The following SEMA6D variants were observed in gnomAD, a reference collection of about 807,000 sequenced individuals.
The protein encoded by SEMA6D is semaphorin 6D, also known as semaphorin-6D.
SEMA6D carries 35 observed loss-of-function variants against 106.6 expected under a neutral mutation model. The ratio of observed to expected loss-of-function variants is 0.33; its 90% CI spans 0.25 to 0.44. The LOEUF (loss-of-function observed/expected upper bound fraction) is 0.44, where lower values mean the gene tolerates loss of function less well. SEMA6D is among the 20% of genes least tolerant of loss of function. SEMA6D has a pLI of 1.00. For missense variants in SEMA6D, 1,185 were observed against 1,345.9 expected (o/e 0.88, Z 1.87); for synonymous variants, 499 against 487.7 (o/e 1.02, Z -0.31).
At chr15:47,736,568 C>T (rs2080457965) in intron 1 of SEMA6D, among the ~76,000 whole-genome samples, 1 of 152,082 alleles carries the variant, frequency 6.6e-6, no homozygotes, top group African/African-American at 2.4e-5. Context: ...TTATTTGGAT[C>T]GTGGTGATGT....
At chr15:47,356,498 T>C (rs2038576161) in intron 1 of SEMA6D, among the ~76,000 whole-genome samples, 1 of 151,646 alleles carries the variant, frequency 6.6e-6, no homozygotes, top group South Asian at 2.1e-4. Flanking sequence ...GGGATTGTGC[T>C]GTGGGAAGAT....
At chr15:47,413,185 C>T (rs1434174284) in intron 2 of SEMA6D, among the ~76,000 whole-genome samples, 2 of 151,884 alleles carry the variant, frequency 1.3e-5, no homozygotes, top group African/African-American at 2.4e-5. Flanking sequence ...AATCTGAGGC[C>T]GAAATATAAT....
chr15:47,438,713 C>G, intron 2 of SEMA6D, among the ~76,000 whole-genome samples: 1 of 151,784 alleles, frequency 6.6e-6, no homozygotes, highest in East Asian at 2.0e-4. Flanking sequence ...CTGCCATGAT[C>G]TTTTGCACCT....
intron 2 of SEMA6D, among the ~76,000 whole-genome samples, chr15:47,441,331 TG>T (rs1326590162): frequency 5.3e-5 from 8 of 152,074 alleles, no homozygotes; most frequent in Admixed American, 1.3e-4. Context: ...TAAATAATGC[TG>T]GGGAGAAACC....
Position 47,494,763 on chromosome 15 carries a change from T to TA in SEMA6D, c.-87+24219dup, listed in dbSNP as rs2043590175. Among the ~76,000 whole-genome samples, 3 of 88,546 alleles carry TA rather than the reference T, an allele frequency of 3.4e-5. No individual in the cohort carries two copies. In the South Asian group the frequency reaches 1.1e-3, roughly 31 times the overall value. The allele number at this position is 88,546 out of a possible 152,430, so 58.1% of individuals were successfully genotyped here. ...GGAGATATATATATATATATATATATATATATATATATATATATATATATA... is the reference window on the plus strand; with the variant it reads ...GGAGATATATATATATATATATATATAATATATATATATATATATATATATA... On this transcript the variant is annotated intron_variant, in intron 3 of 19. Coordinates refer to the SEMA6D transcript ENST00000558014.
chr15:47,358,305 A>T (rs1595816686), intron 1 of SEMA6D, among the ~76,000 whole-genome samples: 1 of 152,104 alleles, frequency 6.6e-6, no homozygotes, highest in Non-Finnish European at 1.5e-5. Flanking sequence ...GGATGTCATG[A>T]TAACTACCAT....
chr15:47,338,167 G>T, intron 1 of SEMA6D, among the ~76,000 whole-genome samples: 1 of 152,162 alleles, frequency 6.6e-6, no homozygotes, highest in East Asian at 1.9e-4. Context: ...CCCTTCCAAA[G>T]GGGAAAAAGT....
At chr15:47,688,976 T>G (rs986091287) in intron 4 of SEMA6D, among the ~76,000 whole-genome samples, 3 of 152,194 alleles carry the variant, frequency 2.0e-5, no homozygotes, top group African/African-American at 4.8e-5. Flanking sequence ...TAAACCAATT[T>G]TGAATCATGG....
chr15:47,403,828 T>A (rs2040474178), intron 1 of SEMA6D, among the ~76,000 whole-genome samples: 1 of 152,140 alleles, frequency 6.6e-6, no homozygotes, highest in Admixed American at 6.5e-5. Context: ...GAGGTGCCCA[T>A]TTTATCAGAA....
chr15:47,607,320 C>T (rs143994551), intron 4 of SEMA6D, among the ~76,000 whole-genome samples: 1 of 152,276 alleles, frequency 6.6e-6, no homozygotes, highest in Admixed American at 6.5e-5. Flanking sequence ...ATATAACTAA[C>T]AAGCAGCCTT....
chr15:47,213,064 G>C (rs1595749212), intron 1 of SEMA6D, among the ~76,000 whole-genome samples: 1 of 127,832 alleles, frequency 7.8e-6, no homozygotes, highest in Middle Eastern at 4.8e-3. Flanking sequence ...ACTTTCTGAA[G>C]TGTTGGCAAT....
At chr15:47,352,056 T>C (rs2038348123) in intron 1 of SEMA6D, among the ~76,000 whole-genome samples, 1 of 152,178 alleles carries the variant, frequency 6.6e-6, no homozygotes, top group Admixed American at 6.5e-5. Flanking sequence ...ACAGTCATCG[T>C]ATATTGCACA....
intron 4 of SEMA6D, among the ~76,000 whole-genome samples, chr15:47,674,962 G>T (rs1020479248): frequency 1.6e-4 from 24 of 152,188 alleles, no homozygotes; most frequent in Admixed American, 1.1e-3. Flanking sequence ...TCCTGGCTCA[G>T]TGATCTAAGT....
At chr15:47,198,385 CCATT>C (rs754825822) in intron 1 of SEMA6D, among the ~76,000 whole-genome samples, 1 of 152,104 alleles carries the variant, frequency 6.6e-6, no homozygotes, top group South Asian at 2.1e-4. Flanking sequence ...CTTGATTATA[CCATT>C]CAAAGTATGT....
chr15:47,489,266 G>T (rs1403010132), intron 3 of SEMA6D, among the ~76,000 whole-genome samples: 3 of 152,136 alleles, frequency 2.0e-5, no homozygotes, highest in Non-Finnish European at 4.4e-5. Context: ...CTTTGGAGGG[G>T]GCACCGCCCT....
chr15:47,390,003 T>G (rs2039972387), intron 1 of SEMA6D, among the ~76,000 whole-genome samples: 1 of 152,238 alleles, frequency 6.6e-6, no homozygotes, highest in African/African-American at 2.4e-5. Context: ...TCACAAGCTC[T>G]TTTAGATGAT....
chr15:47,464,858 AT>A (rs2042613013), intron 2 of SEMA6D, among the ~76,000 whole-genome samples: 1 of 152,166 alleles, frequency 6.6e-6, no homozygotes, highest in South Asian at 2.1e-4. Context: ...CACCCCACTG[AT>A]AAAAGGCACT....
chr15:47,728,132 G>A (rs2079881347), intron 1 of SEMA6D, among the ~76,000 whole-genome samples: 1 of 152,182 alleles, frequency 6.6e-6, no homozygotes, highest in Non-Finnish European at 1.5e-5. Context: ...GCATTTGGAA[G>A]CAGATGCCCT....
chr15:47,191,043 C>A (rs1012813068), intron 1 of SEMA6D, among the ~76,000 whole-genome samples: 6 of 152,056 alleles, frequency 3.9e-5, no homozygotes, highest in Non-Finnish European at 1.5e-5. Flanking sequence ...TGCAGTCATA[C>A]ACGCCTGTAC....
Sources: allele counts gnomAD v4.1 joint callset (sites outside exome capture counted in the v4.1 genomes callset), GRCh38; gene constraint gnomAD v4.1.1; transcripts MANE v1.5; gene names NCBI Gene and HGNC (gene_info 2026-07-23, HGNC 2026-07-21).